Variants in ZMYM4 observed in about 807,000 individuals in gnomAD.
ZMYM4 encodes the protein zinc finger MYM-type containing 4.
A neutral mutation model predicts 183.2 loss-of-function variants in ZMYM4; 31 were observed. That is an observed-to-expected ratio of 0.17 (90% CI 0.13 to 0.23). The LOEUF is 0.23. ZMYM4 is among the 10% of genes least tolerant of loss of function. ZMYM4 has a pLI of 1.00. For missense variants in ZMYM4, 1,273 were observed against 1,840.3 expected, an observed-to-expected ratio of 0.69 and a Z score of 5.64; for synonymous variants, 592 against 631.2, an observed-to-expected ratio of 0.94 and a Z score of 0.93.
intron 15 of ZMYM4, 29 bp downstream of exon 15, chr1:35,390,127 G>T (rs1644672093): frequency 6.2e-7 from 1 of 1,603,518 alleles, no homozygotes; most frequent in Non-Finnish European, 8.5e-7. Flanking sequence ...ACTGAATGGA[G>T]TCTTTGGTCA....
chr1:35,370,377 C>G lies in ZMYM4; in HGVS notation c.931C>G (p.Gln311Glu). The G allele has an allele frequency of 1.3e-6, 1 of 767,502 alleles. No homozygotes were observed. The highest frequency in any genetic ancestry group is 1.7e-5 in the South Asian group (1 of 57,976). 47.5% of individuals were successfully genotyped at this position (767,502 alleles called of 1,614,324 possible). Residue 311 changes from glutamine (Q) to glutamate (E), a missense_variant, in exon 7 of 30, where the codon CAG becomes GAG. Physicochemically the swap from Gln to Glu is conservative, Grantham distance 29 (BLOSUM62 2). Around this residue, in one of 6 missense-constraint regions of ZMYM4, gnomAD observed 384 missense variants for 465.6 expected, o/e 0.82. Coordinates refer to ENST00000314607, the MANE Select transcript of ZMYM4 (RefSeq NM_005095.3). The part of the protein sequence containing the change: ...FSVSGSPLAP[Q>E]LTTGFQPSLA... ...TTTTTTTTTTTTTTTTAAAGCTCCACAGTTGACTACTGGCTTTCAGCCCTC... is the reference window on the plus strand; with the variant it reads ...TTTTTTTTTTTTTTTTAAAGCTCCAGAGTTGACTACTGGCTTTCAGCCCTC...
chr1:35,280,723 C>A (rs933312013), intron 1 of ZMYM4, among the ~76,000 whole-genome samples: 1 of 152,154 alleles, frequency 6.6e-6, no homozygotes, highest in Non-Finnish European at 1.5e-5. Flanking sequence ...TTGCCTCTGT[C>A]TTTACATGGC....
chr1:35,298,642 A>G (rs1317969931), intron 1 of ZMYM4, among the ~76,000 whole-genome samples: 1 of 151,858 alleles, frequency 6.6e-6, no homozygotes, highest in Non-Finnish European at 1.5e-5. Context: ...GGAGTCCTGC[A>G]CAACACCTCC....
intron 1 of ZMYM4, among the ~76,000 whole-genome samples, chr1:35,294,884 A>G (rs562305798): frequency 6.6e-6 from 1 of 152,350 alleles, no homozygotes; most frequent in Non-Finnish European, 1.5e-5. Context: ...CAGAGAACGG[A>G]CTTTTCAGAA....
intron 1 of ZMYM4, among the ~76,000 whole-genome samples, chr1:35,273,710 A>G (rs1639728052): frequency 6.6e-6 from 1 of 152,154 alleles, no homozygotes; most frequent in Non-Finnish European, 1.5e-5. Context: ...GCCTCCCCAC[A>G]TTTGTGTCTG....
intron 2 of ZMYM4, among the ~76,000 whole-genome samples, chr1:35,345,727 G>A (rs761085270): frequency 1.3e-5 from 2 of 152,138 alleles, no homozygotes. Context: ...GATTACAACC[G>A]TGAGCCACTG....
chr1:35,277,941 C>T lies in ZMYM4; in HGVS notation c.39+8856C>T, dbSNP rs1047159937. Among the ~76,000 whole-genome samples, 6 of 152,004 alleles carry T rather than the reference C, an allele frequency of 3.9e-5. No individual in the cohort carries two copies. The South Asian group carries it at 8.3e-4, about 21-fold the overall frequency. On this transcript the variant is annotated intron_variant, in intron 1 of 29. Transcript: ENST00000314607. ...AATTTGTTGTATCTTTGATGATTGG[C>T]GGTCTCTTAAATTAGTTTCCTAAGG...
rs967787492 is a variant in ZMYM4 at position 35,390,702 on chromosome 1, A to G, written c.2587+604A>G. Among the ~76,000 whole-genome samples, 4 of 152,324 alleles carry G rather than the reference A, an allele frequency of 2.6e-5. No homozygotes were observed. In the East Asian group the frequency reaches 7.7e-4, roughly 29 times the overall value. ...GCTGAGTAAAAATGAGTTTTTGATT[A>G]AATAGATTTCTTTGAGAATATTGAA... On this transcript the variant is annotated intron_variant, in intron 15 of 29. Coordinates refer to ENST00000314607, the MANE Select transcript of ZMYM4 (RefSeq NM_005095.3).
At chr1:35,417,790 A>C (rs1292101417) in intron 28 of ZMYM4, among the ~76,000 whole-genome samples, 1 of 152,076 alleles carries the variant, frequency 6.6e-6, no homozygotes, top group African/African-American at 2.4e-5. Context: ...TGGGCTGATC[A>C]CCTGAGGTCA....
chr1:35,323,598 C>T (rs972744225), intron 1 of ZMYM4, among the ~76,000 whole-genome samples: 2 of 151,206 alleles, frequency 1.3e-5, no homozygotes, highest in African/African-American at 2.4e-5. Context: ...GGCTGGAGTG[C>T]AGTGGCACGA....
chr1:35,334,955 A>T (rs551460033), intron 2 of ZMYM4, among the ~76,000 whole-genome samples: 5 of 152,296 alleles, frequency 3.3e-5, no homozygotes, highest in South Asian at 2.1e-4. Context: ...ACTTTTTATA[A>T]ATTATTAAAC....
Position 35,301,671 on chromosome 1 carries a change from A to G in ZMYM4, c.40-23689A>G, listed in dbSNP as rs540279217. On this transcript the variant is annotated intron_variant, in intron 1 of 29. Coordinates refer to ENST00000314607, the MANE Select transcript of ZMYM4 (RefSeq NM_005095.3). ...TCTGGTGACTGTTTCACTGGCCTCC[A>G]TGGTTTCTTCTCTTACTTGTGCAGC... Among the ~76,000 whole-genome samples, 53 of 152,032 alleles carry G rather than the reference A, an allele frequency of 3.5e-4. No homozygotes were observed. In the East Asian group the frequency reaches 9.9e-3, roughly 28 times the overall value.
chr1:35,383,812 G>A (rs1352965918), intron 9 of ZMYM4, among the ~76,000 whole-genome samples: 2 of 151,794 alleles, frequency 1.3e-5, no homozygotes, highest in African/African-American at 4.8e-5. Context: ...TAGAAGTAAG[G>A]CAGATCTACA....
rs1643640489 is a variant in ZMYM4 at position 35,352,263 on chromosome 1, GCGCGCGCA to G, written c.86-6660_86-6653del. 5.8e-5 allele frequency among the ~76,000 whole-genome samples: 4 copies of G among 69,442 alleles called. No individual in the cohort carries two copies. In the Admixed American group the frequency reaches 6.6e-4, roughly 11 times the overall value. 45.6% of individuals were successfully genotyped at this position (69,442 alleles called of 152,430 possible). ...ATAATTTAAAAATTAGCGCGCACGC[GCGCGCGCA>G]CACACACACACACACACACACACAC... On this transcript the variant is annotated intron_variant, in intron 2 of 29. Transcript: ENST00000314607.
intron 1 of ZMYM4, among the ~76,000 whole-genome samples, chr1:35,319,873 T>A (rs1480518548): frequency 6.6e-6 from 1 of 152,160 alleles, no homozygotes; most frequent in East Asian, 1.9e-4. Context: ...TTTGGAAAAT[T>A]TAAAGTACAC....
chr1:35,418,391 A>T lies in ZMYM4; in HGVS notation c.4310-52A>T, dbSNP rs1046079400. On this transcript the variant is annotated intron_variant, in intron 28 of 29. Transcript: ENST00000314607. ...AAAGCTCATTGGTGTCTTGAGACTC[A>T]AAGAATAGACTTTTCTAATATAATC... is the stretch of plus-strand genomic sequence containing the variant. 6 of 1,589,280 alleles carry T rather than the reference A, an allele frequency of 3.8e-6. No homozygotes were observed. The African/African-American group carries it at 8.2e-5, about 22-fold the overall frequency.
chr1:35,300,912 T>C (rs1427209053), intron 1 of ZMYM4, among the ~76,000 whole-genome samples: 1 of 152,228 alleles, frequency 6.6e-6, no homozygotes, highest in African/African-American at 2.4e-5. Context: ...ATAAATTGGC[T>C]GTTCTTGCTT....
chr1:35,370,146 A>G (rs1474017554), intron 6 of ZMYM4, 33 bp downstream of exon 6: 3 of 1,603,278 alleles, frequency 1.9e-6, no homozygotes, highest in Non-Finnish European at 2.6e-6. Context: ...TGGATTGTGT[A>G]TGTTCTGACC....
intron 1 of ZMYM4, among the ~76,000 whole-genome samples, chr1:35,285,463 A>G (rs1640433136): frequency 6.6e-6 from 1 of 152,184 alleles, no homozygotes; most frequent in South Asian, 2.1e-4. Flanking sequence ...AAGAAAAAAA[A>G]GAACTCACTA....
Sources: allele counts gnomAD v4.1 joint callset (sites outside exome capture counted in the v4.1 genomes callset), GRCh38; gene constraint gnomAD v4.1.1; regional missense constraint gnomAD v4.1.1; transcripts MANE v1.5; gene names NCBI Gene and HGNC (gene_info 2026-07-23, HGNC 2026-07-21).